TNRC6B: variants seen among roughly 807,000 people sequenced by gnomAD.
TNRC6B encodes trinucleotide repeat-containing gene 6B protein.
In TNRC6B, 52 loss-of-function variants were observed where a neutral mutation model predicts 203.6. That is an observed-to-expected ratio of 0.26 (90% confidence interval 0.20 to 0.32). TNRC6B has a LOEUF of 0.32. Among genes scored for constraint, TNRC6B ranks in the 10% least tolerant of loss-of-function variants. The pLI, the probability that TNRC6B is intolerant of heterozygous loss-of-function variation, is 1.00. For missense variants in TNRC6B, 1,923 were observed against 2,286.2 expected (o/e 0.84, Z 3.24); for synonymous variants, 838 against 845.7 (o/e 0.99, Z 0.16).
At chr22:40,119,322 G>A (rs1264235655) in intron 2 of TNRC6B, among the ~76,000 whole-genome samples, 4 of 152,178 alleles carry the variant, frequency 2.6e-5, no homozygotes, top group Admixed American at 2.6e-4. Context: ...GGTGGCTCAC[G>A]CCTATAGTCC....
chr22:40,291,805 A>G (rs973164042), intron 12 of TNRC6B, among the ~76,000 whole-genome samples: 1 of 152,232 alleles, frequency 6.6e-6, no homozygotes, highest in Non-Finnish European at 1.5e-5. Flanking sequence ...TTCTGGGTCA[A>G]AGCACATTAA....
intron 1 of TNRC6B, among the ~76,000 whole-genome samples, chr22:40,064,028 T>A (rs937512826): frequency 1.6e-4 from 24 of 152,222 alleles, no homozygotes; most frequent in Non-Finnish European, 4.4e-5. Flanking sequence ...TATAATTGTT[T>A]TCACAATTTT....
chr22:40,183,771 T>C (rs192600388), intron 1 of TNRC6B, among the ~76,000 whole-genome samples: 2 of 152,134 alleles, frequency 1.3e-5, no homozygotes, highest in Admixed American at 1.3e-4. Context: ...CTTTGCTCAC[T>C]GCAACCTCCG....
At chr22:40,067,435 T>A (rs766765775) in intron 1 of TNRC6B, among the ~76,000 whole-genome samples, 1 of 152,138 alleles carries the variant, frequency 6.6e-6, no homozygotes, top group Non-Finnish European at 1.5e-5. Context: ...TATATATTTG[T>A]ATGGATACAT....
intron 1 of TNRC6B, among the ~76,000 whole-genome samples, chr22:40,094,079 C>T (rs1325846620): frequency 6.6e-6 from 1 of 152,004 alleles, no homozygotes; most frequent in Non-Finnish European, 1.5e-5. Flanking sequence ...ATGTATACAA[C>T]TATTATGTAC....
intron 11 of TNRC6B, among the ~76,000 whole-genome samples, chr22:40,284,613 T>G (rs2146527026): frequency 6.6e-6 from 1 of 152,302 alleles, no homozygotes; most frequent in Non-Finnish European, 1.5e-5. Flanking sequence ...GAGGGAAAGA[T>G]TTAACAGTAG....
chr22:40,311,039 A>G (rs1262848226), intron 17 of TNRC6B, 46 bp downstream of exon 17: 2 of 1,559,500 alleles, frequency 1.3e-6, no homozygotes, highest in East Asian at 4.7e-5. Context: ...TTGTTTTGTA[A>G]TTGTCAGTTT....
At chr22:40,202,969 A>G (rs1370846737) in intron 1 of TNRC6B, among the ~76,000 whole-genome samples, 1 of 152,050 alleles carries the variant, frequency 6.6e-6, no homozygotes, top group East Asian at 1.9e-4. Flanking sequence ...CACTGAATTT[A>G]GTGAGGAGGA....
At chr22:40,234,942 T>G (rs2069927634) in intron 1 of TNRC6B, among the ~76,000 whole-genome samples, 1 of 152,196 alleles carries the variant, frequency 6.6e-6, no homozygotes, top group Non-Finnish European at 1.5e-5. Context: ...TCTGCCTGAA[T>G]GGATATGTTC....
At chr22:40,283,202 C>A (rs2070739675) in intron 11 of TNRC6B, among the ~76,000 whole-genome samples, 1 of 152,026 alleles carries the variant, frequency 6.6e-6, no homozygotes, top group African/African-American at 2.4e-5. Flanking sequence ...CCACGCCCGG[C>A]TAATTTTTTG....
intron 1 of TNRC6B, among the ~76,000 whole-genome samples, chr22:40,218,469 G>A (rs559780870): frequency 1.8e-4 from 27 of 151,446 alleles, no homozygotes; most frequent in Non-Finnish European, 3.1e-4. Flanking sequence ...TGGGAGTAAA[G>A]GCATGCTCCC....
intron 1 of TNRC6B, among the ~76,000 whole-genome samples, chr22:40,214,878 A>T (rs1446726050): frequency 2.6e-5 from 4 of 152,174 alleles, no homozygotes. Context: ...TTACAACTGC[A>T]TGTGTATCTA....
At chr22:40,128,580 G>A (rs1027739018) in intron 3 of TNRC6B, among the ~76,000 whole-genome samples, 12 of 147,054 alleles carry the variant, frequency 8.2e-5, no homozygotes, top group Admixed American at 3.3e-4. Context: ...ACGGCTCACA[G>A]CTCACAGCTC....
At chr22:40,063,685 CTTTTTCTT>C (rs1325751002) in intron 1 of TNRC6B, among the ~76,000 whole-genome samples, 2 of 150,880 alleles carry the variant, frequency 1.3e-5, no homozygotes, top group Non-Finnish European at 3.0e-5. Flanking sequence ...TTTCTTTTTT[CTTTTTCTT>C]TTTTTCTTTT....
At chr22:40,107,113 T>A in intron 1 of TNRC6B, 1 of 631,484 alleles carries the variant, frequency 1.6e-6, no homozygotes, top group Non-Finnish European at 2.8e-6. Flanking sequence ...GAACAAATAC[T>A]CTTAATTTTC....
At chr22:40,318,611 T>C (rs1441563953) in intron 21 of TNRC6B, among the ~76,000 whole-genome samples, 2 of 152,130 alleles carry the variant, frequency 1.3e-5, no homozygotes, top group Non-Finnish European at 2.9e-5. Context: ...GACTGAAATA[T>C]GAAGAATCTT....
chr22:40,173,242 G>A (rs1031255840), upstream of TNRC6B, among the ~76,000 whole-genome samples: 1 of 151,894 alleles, frequency 6.6e-6, no homozygotes, highest in African/African-American at 2.4e-5. Context: ...GACTACAGGT[G>A]CGTGCCACCA....
rs199666343 is a variant in TNRC6B, at chr22:40,265,668, A to C, written c.1438A>C (p.Thr480Pro). The change falls in exon 5 of 23, where the codon ACG becomes CCG. Residue 480 changes from threonine to proline, a missense_variant. Physicochemically the swap from Thr to Pro is conservative, Grantham distance 38 (BLOSUM62 -1). Around this residue, in one of 8 missense-constraint regions of TNRC6B, gnomAD observed 614 missense variants for 587.7 expected, o/e 1.04. Coordinates refer to ENST00000454349, the MANE Select transcript of TNRC6B (RefSeq NM_001162501.2). ...CTCTTGGGACAACAATAACAGGTCTACGGGTGGGTCCTGGAACTTTGGCCC... is the reference window on the plus strand; with the variant it reads ...CTCTTGGGACAACAATAACAGGTCTCCGGGTGGGTCCTGGAACTTTGGCCC... ...NDSWDNNNRSTGGSWNFGPQD... is the reference protein window; with the variant it reads ...NDSWDNNNRSPGGSWNFGPQD... 1 of 1,613,982 alleles carries C rather than the reference A, an allele frequency of 6.2e-7. No homozygotes were observed. Among genetic ancestry groups the C allele is most frequent in the Non-Finnish European group, 8.5e-7 (1 of 1,179,850 alleles).
chr22:40,055,058 G>C (rs983072849), intron 1 of TNRC6B, among the ~76,000 whole-genome samples: 1 of 152,054 alleles, frequency 6.6e-6, no homozygotes, highest in Non-Finnish European at 1.5e-5. Context: ...AAGAAATTAT[G>C]CTTGGGCTTG....
Sources: gnomAD v4.1 joint callset for allele counts (sites outside exome capture counted in the v4.1 genomes callset) on GRCh38, gnomAD v4.1.1 for gene constraint, gnomAD v4.1.1 regional missense constraint, MANE v1.5 for transcripts, NCBI Gene and HGNC (gene_info 2026-07-23, HGNC 2026-07-21) for gene names.